VARS1: variants seen among roughly 807,000 people sequenced by gnomAD.
VARS1 encodes the protein valyl-tRNA synthetase 1.
Under a neutral mutation model 161.0 loss-of-function variants are expected in VARS1, and 92 were observed. The ratio of observed to expected loss-of-function variants is 0.57; its 90% CI spans 0.48 to 0.68. The LOEUF (loss-of-function observed/expected upper bound fraction) is 0.68. VARS1 is among the 30% of genes least tolerant of loss of function. The pLI, the probability that VARS1 is intolerant of heterozygous loss-of-function variation, is 0.00. For missense variants in VARS1, 1,338 were observed against 1,695.9 expected (o/e 0.79, Z 3.71); for synonymous variants, 595 against 682.5 (o/e 0.87, Z 2.00).
Position 31,792,990 on chromosome 6 carries a change from C to T in VARS1, c.518G>A (p.Arg173Gln), listed in dbSNP as rs150140376. The T allele has an allele frequency of 6.8e-6, 11 of 1,613,522 alleles. No individual in the cohort carries two copies. Among genetic ancestry groups the T allele is most frequent in the East Asian group, 2.2e-5 (1 of 44,896 alleles). ...AAVTALLLPF[R>Q]YVLDPPARRI... ...TCCCCAGGCCTGGTGACTCACGTAT[C>T]GGAAAGGCAGCAGCAAGGCTGTGAC... is the stretch of plus-strand genomic sequence containing the variant. The change falls in exon 3 of 30, where the codon CGA becomes CAA. Residue 173 changes from arginine (R) to glutamine (Q), a missense_variant. Around this residue, in one of 3 missense-constraint regions of VARS1, gnomAD observed 902 missense variants for 1,090.3 expected, o/e 0.83. Coordinates refer to ENST00000375663, the MANE Select transcript of VARS1 (RefSeq NM_006295.3).
Position 31,782,865 on chromosome 6 carries a change from C to T in VARS1, c.1763-20G>A. The T allele has an allele frequency of 6.2e-7, 1 of 1,604,434 alleles. No homozygotes were observed. The highest frequency in any genetic ancestry group is 8.5e-7 in the Non-Finnish European group (1 of 1,175,676). On this transcript the variant is annotated intron_variant, in intron 14 of 29. Transcript: ENST00000375663. The surrounding 1 kb of genome is among the most constrained non-coding windows in gnomAD (Gnocchi z 8.3). ...CAGCACCTGGGTGTACATCAGGATG[C>T]CCAGGTCATGAGGGACTCCACGGAG...
At position 31,781,328 on chromosome 6, in the gene VARS1, AG is replaced by A. The variant is rs1236898153; in HGVS notation, c.2544+152del. ...GCCCTGGGCACAGGAATCACTGAGC[AG>A]GGCCCAGGCTGGATTTCAACCCCAC... On this transcript the variant is annotated intron_variant, in intron 21 of 29. Transcript: ENST00000375663. This position sits in a 1 kb window ranked among gnomAD's most constrained non-coding sequence, Gnocchi z 6.8. The A allele has an allele frequency of 2.3e-6, 3 of 1,294,916 alleles. No individual in the cohort carries two copies. Among genetic ancestry groups the A allele is most frequent in the Non-Finnish European group, 3.2e-6 (3 of 950,514 alleles). 80.2% of individuals were successfully genotyped at this position (1,294,916 alleles called of 1,614,324 possible). A position where few individuals can be genotyped will look rare whatever the true frequency, so the allele number is the denominator to read the frequency against.
In VARS1 at chr6:31,784,201, G is replaced by C; in HGVS notation, c.1671+13C>G. 6.2e-7 allele frequency: 1 copy of C among 1,614,068 alleles called. No homozygotes were observed. Among genetic ancestry groups the C allele is most frequent in the Non-Finnish European group, 8.5e-7 (1 of 1,179,988 alleles). On this transcript the variant is annotated intron_variant, in intron 13 of 29. Transcript: ENST00000375663. This position sits in a 1 kb window ranked among gnomAD's most constrained non-coding sequence, Gnocchi z 6.1. ...GGCCAGAACTCCTTCCCTAACTGTG[G>C]ACAGTCCCCCACCTGGTATCTGGTA...
At position 31,779,481 on chromosome 6, in the gene VARS1, G is replaced by C. The variant is rs373279419; in HGVS notation, c.3344C>G (p.Thr1115Arg). 1 of 1,612,822 alleles carries C rather than the reference G, an allele frequency of 6.2e-7. No individual in the cohort carries two copies. The highest frequency in any genetic ancestry group is 8.5e-7 in the Non-Finnish European group (1 of 1,180,006). The change falls in exon 28 of 30, where the codon ACG (threonine) becomes AGG (arginine). Residue 1115 changes from threonine (T) to arginine (R), a missense_variant. By Grantham distance (71) the Thr-to-Arg change is moderately conservative (BLOSUM62 -1). Coordinates refer to ENST00000375663, the MANE Select transcript of VARS1 (RefSeq NM_006295.3). This position sits in a 1 kb window ranked among gnomAD's most constrained non-coding sequence, Gnocchi z 9.1. ...GGCCCGCAGGGAGCGCACGGCTCGC[G>C]TGATGCTTAGCGCCAGCTCAAGGGC... ...EAALELALSI[T>R]RAVRSLRADY...
At position 31,781,809 on chromosome 6, in the gene VARS1, CCCA is replaced by C; in HGVS notation, c.2347+35_2347+37del. 1 of 1,612,888 alleles carries C rather than the reference CCCA, an allele frequency of 6.2e-7. No individual in the cohort carries two copies. Among genetic ancestry groups the C allele is most frequent in the Non-Finnish European group, 8.5e-7 (1 of 1,179,892 alleles). ...GGTCAGAGGGAGTGGAGCTCTGCCC[CCCA>C]CAACTCCCTCCAGACCCTCAAAGCC... On this transcript the variant is annotated intron_variant, in intron 19 of 29. Coordinates refer to ENST00000375663, the MANE Select transcript of VARS1 (RefSeq NM_006295.3). This position sits in a 1 kb window ranked among gnomAD's most constrained non-coding sequence, Gnocchi z 6.8.
Position 31,785,360 on chromosome 6 carries a change from GC to G in VARS1, c.1266-34del. The G allele has an allele frequency of 6.2e-7, 1 of 1,612,078 alleles. No homozygotes were observed. On this transcript the variant is annotated intron_variant, in intron 9 of 29. Transcript: ENST00000375663. This position sits in a 1 kb window ranked among gnomAD's most constrained non-coding sequence, Gnocchi z 6.1. ...CAGACAGGCTGAGGTCAGCACTCGT[GC>G]CTGGGCTAGAGGGAGACATCAGGTG...
At chr6:31,792,603 GC>G in intron 4 of VARS1, 87 bp from the exon 5 acceptor site, 1 of 1,602,924 alleles carries the variant, frequency 6.2e-7, no homozygotes, top group Middle Eastern at 1.8e-4. Context: ...TATTTTAGAT[GC>G]CCGAGGTCTT....
In VARS1 at chr6:31,780,691, T is replaced by C; in HGVS notation, c.2797+14A>G. 6.2e-7 allele frequency: 1 copy of C among 1,614,060 alleles called. No individual in the cohort carries two copies. Among genetic ancestry groups the C allele is most frequent in the Non-Finnish European group, 8.5e-7 (1 of 1,179,996 alleles). On this transcript the variant is annotated intron_variant, in intron 24 of 29. Transcript: ENST00000375663. The surrounding 1 kb of genome is among the most constrained non-coding windows in gnomAD (Gnocchi z 5.1). ...AGGAAGGAGTGGCTGGGAGGGACGCTTTGGGGGCCATACCCTGGGACATGT... is the reference window on the plus strand; with the variant it reads ...AGGAAGGAGTGGCTGGGAGGGACGCCTTGGGGGCCATACCCTGGGACATGT...
At chr6:31,792,730 A>G (rs1444092903) in intron 4 of VARS1, 27 bp downstream of exon 4, 12 of 1,613,184 alleles carry the variant, frequency 7.4e-6, no homozygotes, top group East Asian at 2.2e-5. Context: ...GGAAGCCCCT[A>G]TCCTCCAACT....
Position 31,778,688 on chromosome 6 carries a change from T to G in VARS1, c.3726+279A>C. 1.9e-6 allele frequency: 1 copy of G among 521,098 alleles called. No individual in the cohort carries two copies. The highest frequency in any genetic ancestry group is 3.4e-6 in the Non-Finnish European group (1 of 294,348). The allele number at this position is 521,098 out of a possible 1,614,324, so 32.3% of individuals were successfully genotyped here. On this transcript the variant is annotated intron_variant, in intron 29 of 29. Transcript: ENST00000375663. The surrounding 1 kb of genome is among the most constrained non-coding windows in gnomAD (Gnocchi z 5.1). ...CTATGGCCAGCTAATTTTTGTATTT[T>G]TGTTGTAGAGATGGGATTTCACCAT...
Position 31,785,119 on chromosome 6 carries a change from C to G in VARS1, c.1347+127G>C. 1 of 1,070,992 alleles carries G rather than the reference C, an allele frequency of 9.3e-7. No homozygotes were observed. The highest frequency in any genetic ancestry group is 1.4e-6 in the Non-Finnish European group (1 of 726,030). 66.3% of individuals were successfully genotyped at this position (1,070,992 alleles called of 1,614,324 possible). A position where few individuals can be genotyped will look rare whatever the true frequency, so the allele number is the denominator to read the frequency against. On this transcript the variant is annotated intron_variant, in intron 10 of 29. Coordinates refer to ENST00000375663, the MANE Select transcript of VARS1 (RefSeq NM_006295.3). The surrounding 1 kb of genome is among the most constrained non-coding windows in gnomAD (Gnocchi z 6.1). Reference sequence around the variant, plus strand: ...GTGGGAAGTGGCATTTGCAGCTGAGCCCTCCATGGTGTTTTACATGGGCCA... The same window carrying G: ...GTGGGAAGTGGCATTTGCAGCTGAGGCCTCCATGGTGTTTTACATGGGCCA...
Position 31,784,476 on chromosome 6 carries a change from G to A in VARS1, c.1494C>T (p.Arg498=). The change falls in exon 12 of 30, where the codon CGC becomes CGT. Residue 498 remains arginine (R), a synonymous_variant. Coordinates refer to ENST00000375663, the MANE Select transcript of VARS1 (RefSeq NM_006295.3). This position sits in a 1 kb window ranked among gnomAD's most constrained non-coding sequence, Gnocchi z 6.1. ...IEVDKKELTG[R]TLLSVPGYKE... is the part of the protein sequence containing the mutation. ...TGTAGCCAGGCACGGAGAGCAGGGT[G>A]CGACCTGTCAGCTCCTTCTTATCCA... The A allele has an allele frequency of 6.2e-7, 1 of 1,614,130 alleles. No individual in the cohort carries two copies. The highest frequency in any genetic ancestry group is 1.1e-5 in the South Asian group (1 of 91,088).
chr6:31,795,116 TC>T lies in VARS1; in HGVS notation c.101del (p.Gly34GlufsTer74). Reference protein sequence around the residue: ...YGEAGEGPGWGGAHPRICLQP... With the variant: ...YGEAGEGPGWXGAHPRICLQP... ...GGAGACAGATGCGGGGGTGGGCTCC[TC>T]CCCATCCGGGACCCTCCCCAGCCTC... On this transcript the variant is annotated frameshift_variant, in exon 2 of 30. Coordinates refer to ENST00000375663, the MANE Select transcript of VARS1 (RefSeq NM_006295.3). LOFTEE classifies it high-confidence loss of function. This position sits in a 1 kb window ranked among gnomAD's most constrained non-coding sequence, Gnocchi z 6.9. 6.7e-7 allele frequency: 1 copy of T among 1,483,952 alleles called. No homozygotes were observed. The highest frequency in any genetic ancestry group is 9.0e-7 in the Non-Finnish European group (1 of 1,115,556). The allele number at this position is 1,483,952 out of a possible 1,614,324, so 91.9% of individuals were successfully genotyped here.
chr6:31,793,885 CT>C (rs1814067527), intron 2 of VARS1, among the ~76,000 whole-genome samples: 1 of 151,976 alleles, frequency 6.6e-6, no homozygotes, highest in Admixed American at 6.6e-5. Flanking sequence ...AGCAGACCAT[CT>C]GAGGTTAGGA....
At position 31,780,818 on chromosome 6, in the gene VARS1, G is replaced by C. The variant is rs1334800242; in HGVS notation, c.2719-35C>G. 1 of 1,614,146 alleles carries C rather than the reference G, an allele frequency of 6.2e-7. No individual in the cohort carries two copies. Among genetic ancestry groups the C allele is most frequent in the Admixed American group, 1.7e-5 (1 of 60,026 alleles). ...AGAGGCAGGGGGAGGAGCGTCCTCAGCCAGCCCCATCCACGCTGTGCTCCT... is the reference window on the plus strand; with the variant it reads ...AGAGGCAGGGGGAGGAGCGTCCTCACCCAGCCCCATCCACGCTGTGCTCCT... On this transcript the variant is annotated intron_variant, in intron 23 of 29. Transcript: ENST00000375663. This position sits in a 1 kb window ranked among gnomAD's most constrained non-coding sequence, Gnocchi z 5.1.
In VARS1 at chr6:31,785,101, G is replaced by T; in HGVS notation, c.1347+145C>A. 1.1e-6 allele frequency: 1 copy of T among 892,632 alleles called. No homozygotes were observed. Among genetic ancestry groups the T allele is most frequent in the Non-Finnish European group, 1.7e-6 (1 of 578,250 alleles). 55.3% of individuals were successfully genotyped at this position (892,632 alleles called of 1,614,324 possible). On this transcript the variant is annotated intron_variant, in intron 10 of 29. Transcript: ENST00000375663. This position sits in a 1 kb window ranked among gnomAD's most constrained non-coding sequence, Gnocchi z 6.1. The stretch of plus-strand genomic sequence containing the variant: ...AAAGGGCCATGGCGAGGGGTGGGAA[G>T]TGGCATTTGCAGCTGAGCCCTCCAT...
chr6:31,777,836 C>T lies in VARS1; in HGVS notation c.3727-174G>A, dbSNP rs1812841175. ...CCCATTCCCACCAGCACCCCCACTTCCACCACCACCTCTTGGGTCTTGCCT... is the reference window on the plus strand; with the variant it reads ...CCCATTCCCACCAGCACCCCCACTTTCACCACCACCTCTTGGGTCTTGCCT... On this transcript the variant is annotated intron_variant, in intron 29 of 29. Coordinates refer to ENST00000375663, the MANE Select transcript of VARS1 (RefSeq NM_006295.3). The surrounding 1 kb of genome is among the most constrained non-coding windows in gnomAD (Gnocchi z 5.8). The T allele has an allele frequency of 3.0e-6, 2 of 659,278 alleles. No homozygotes were observed. The highest frequency in any genetic ancestry group is 5.3e-6 in the Non-Finnish European group (2 of 376,666). 40.8% of individuals were successfully genotyped at this position (659,278 alleles called of 1,614,324 possible). A position where few individuals can be genotyped will look rare whatever the true frequency, so the allele number is the denominator to read the frequency against.
rs766444084 is a variant in VARS1, at chr6:31,784,334, C to G, written c.1577-26G>C. ...CTGGGGTGACAGAAGGCCTTGTGGT[C>G]TTGGCCTTGGCCCCTTCCTGCCACT... On this transcript the variant is annotated intron_variant, in intron 12 of 29. Coordinates refer to ENST00000375663, the MANE Select transcript of VARS1 (RefSeq NM_006295.3). The surrounding 1 kb of genome is among the most constrained non-coding windows in gnomAD (Gnocchi z 6.1). The G allele has an allele frequency of 1.1e-5, 18 of 1,614,108 alleles. No individual in the cohort carries two copies. Among genetic ancestry groups the G allele is most frequent in the Non-Finnish European group, 1.4e-5 (17 of 1,180,042 alleles).
intron 8 of VARS1, among the ~76,000 whole-genome samples, chr6:31,787,607 T>G (rs1813585527): frequency 6.6e-6 from 1 of 151,672 alleles, no homozygotes; most frequent in South Asian, 2.1e-4. Flanking sequence ...ATCGCGTCAC[T>G]GCACTCCAGC....
Sources: allele counts gnomAD v4.1 joint callset (sites outside exome capture counted in the v4.1 genomes callset), GRCh38; gene constraint gnomAD v4.1.1; regional missense constraint gnomAD v4.1.1; non-coding constraint Gnocchi (gnomAD v3.1); transcripts MANE v1.5; gene names NCBI Gene and HGNC (gene_info 2026-07-23, HGNC 2026-07-21).